The following BANP variants were observed in gnomAD, a reference collection of about 807,000 sequenced individuals.
BANP encodes protein BANP.
BANP carries 11 observed loss-of-function variants against 68.1 expected under a neutral mutation model. The observed-to-expected ratio is 0.16, with a 90% CI of 0.10 to 0.27. The LOEUF is 0.27. Among genes scored for constraint, BANP ranks in the 10% least tolerant of loss-of-function variants. BANP has a pLI of 1.00. For missense variants in BANP, 504 were observed against 722.7 expected (o/e 0.70, Z 3.47); for synonymous variants, 329 against 303.2 (o/e 1.09, Z -0.88).
intron 11 of BANP, among the ~76,000 whole-genome samples, chr16:88,058,353 T>C (rs1003459785): frequency 6.6e-6 from 1 of 152,176 alleles, no homozygotes; most frequent in African/African-American, 2.4e-5. Flanking sequence ...GACGTGCTGA[T>C]GTCAGGCGCC....
In BANP at chr16:88,004,430, A is replaced by G; in HGVS notation, c.479+19A>G. 4 of 1,347,826 alleles carry G rather than the reference A, an allele frequency of 3.0e-6. No homozygotes were observed. Among genetic ancestry groups the G allele is most frequent in the Non-Finnish European group, 4.1e-6 (4 of 975,838 alleles). 83.5% of individuals were successfully genotyped at this position (1,347,826 alleles called of 1,614,324 possible). A position where few individuals can be genotyped will look rare whatever the true frequency, so the allele number is the denominator to read the frequency against. On this transcript the variant is annotated intron_variant, in intron 5 of 13. Coordinates refer to ENST00000682872, the MANE Select transcript of BANP (RefSeq NM_001386991.1). This position sits in a 1 kb window ranked among gnomAD's most constrained non-coding sequence, Gnocchi z 7.0. Reference sequence around the variant, plus strand: ...TTAGCAAGTCAGTAGCACGGCACCAACCCCACCTTTCCCTGCCACTGTGCG... The same window carrying G: ...TTAGCAAGTCAGTAGCACGGCACCAGCCCCACCTTTCCCTGCCACTGTGCG...
chr16:88,024,002 C>T (rs1447430869), intron 7 of BANP, among the ~76,000 whole-genome samples: 4 of 152,310 alleles, frequency 2.6e-5, no homozygotes, highest in South Asian at 2.1e-4. Flanking sequence ...GTGGGGATCC[C>T]GTGAGCCTCA....
chr16:87,954,536 C>G (rs987224611), intron 1 of BANP, among the ~76,000 whole-genome samples: 5 of 152,352 alleles, frequency 3.3e-5, no homozygotes, highest in Middle Eastern at 3.4e-3. Flanking sequence ...GATTGGGAGC[C>G]TGTCACCGTG....
chr16:88,002,453 C>T lies in BANP; in HGVS notation c.363-1842C>T, dbSNP rs766685845. Among the ~76,000 whole-genome samples, 11 of 151,978 alleles carry T rather than the reference C, an allele frequency of 7.2e-5. No individual in the cohort carries two copies. The highest frequency in any genetic ancestry group is 1.5e-4 in the Non-Finnish European group (10 of 68,002). The stretch of plus-strand genomic sequence containing the variant: ...TCTGTGCCCTAGGTGGATGGTGCAT[C>T]CAGTGTGTTCAGAGCAGAGGTTGTT... On this transcript the variant is annotated intron_variant, in intron 4 of 13. Coordinates refer to ENST00000682872, the MANE Select transcript of BANP (RefSeq NM_001386991.1). The surrounding 1 kb of genome is among the most constrained non-coding windows in gnomAD (Gnocchi z 4.6).
chr16:87,953,880 C>T (rs887550959), intron 1 of BANP, among the ~76,000 whole-genome samples: 6 of 152,292 alleles, frequency 3.9e-5, no homozygotes, highest in Middle Eastern at 3.4e-3. Flanking sequence ...CATCTTGGCT[C>T]TGTTCGTTTC....
At chr16:88,048,927 C>T (rs374178677) in intron 11 of BANP, among the ~76,000 whole-genome samples, 2 of 152,130 alleles carry the variant, frequency 1.3e-5, no homozygotes, top group South Asian at 2.1e-4. Flanking sequence ...GTGTGGGGTG[C>T]GGGGTCTTTG....
intron 8 of BANP, among the ~76,000 whole-genome samples, chr16:88,029,670 A>G (rs2077736183): frequency 6.6e-6 from 1 of 151,854 alleles, no homozygotes; most frequent in African/African-American, 2.4e-5. Flanking sequence ...AGCAGGAACC[A>G]GATTGAATTC....
chr16:88,062,094 C>T (rs959720937), intron 11 of BANP, among the ~76,000 whole-genome samples: 1 of 152,144 alleles, frequency 6.6e-6, no homozygotes, highest in Non-Finnish European at 1.5e-5. Context: ...AAACAAAGGA[C>T]TTCTTGGCTT....
upstream of BANP, among the ~76,000 whole-genome samples, chr16:87,950,128 C>T (rs529514123): frequency 6.6e-6 from 1 of 152,296 alleles, no homozygotes; most frequent in East Asian, 1.9e-4. Flanking sequence ...CCACCCGCCT[C>T]GGCCTCCCAA....
intron 1 of BANP, among the ~76,000 whole-genome samples, chr16:87,961,410 C>CCCA (rs2059115579): frequency 7.1e-6 from 1 of 140,422 alleles, no homozygotes; most frequent in African/African-American, 2.5e-5. Flanking sequence ...AGAATCTGCA[C>CCCA]CCCCCCGGGC....
chr16:88,076,689 C>G lies in BANP; in HGVS notation c.*28C>G. On this transcript the variant is annotated 3_prime_UTR_variant, in exon 14 of 14. Transcript: ENST00000682872. Reference sequence around the variant, plus strand: ...GGTGCCCATGGCACCAGGAGCCCCTCGCCGGCTCCGCCTACGGCCCGGCCC... The same window carrying G: ...GGTGCCCATGGCACCAGGAGCCCCTGGCCGGCTCCGCCTACGGCCCGGCCC... The G allele has an allele frequency of 6.3e-7, 1 of 1,586,634 alleles. No individual in the cohort carries two copies. The highest frequency in any genetic ancestry group is 1.3e-5 in the African/African-American group (1 of 74,564).
chr16:88,058,658 G>C (rs907514000), intron 11 of BANP, among the ~76,000 whole-genome samples: 1 of 152,126 alleles, frequency 6.6e-6, no homozygotes, highest in African/African-American at 2.4e-5. Flanking sequence ...GATGAAACGT[G>C]TGTGTCCTGC....
intron 11 of BANP, among the ~76,000 whole-genome samples, chr16:88,062,983 G>T (rs139459998): frequency 6.6e-6 from 1 of 152,190 alleles, no homozygotes. Context: ...GCTGCTTCAC[G>T]TTTAAGATCT....
rs371351258 is a variant in BANP at position 88,039,197 on chromosome 16, A to G, written c.1311+1186A>G. Among the ~76,000 whole-genome samples the G allele has an allele frequency of 8.9e-4, 135 of 152,188 alleles. 4 individuals are homozygous for G. In the East Asian group the frequency reaches 0.02, roughly 23 times the overall value. On this transcript the variant is annotated intron_variant, in intron 11 of 13. Coordinates refer to ENST00000682872, the MANE Select transcript of BANP (RefSeq NM_001386991.1). ...TTAAAGATCAGCACGAGGTTTTCTC[A>G]GGTAGTCCTGCAGCATCGCTCGTCT...
At chr16:87,997,579 G>A (rs113666215) in intron 4 of BANP, among the ~76,000 whole-genome samples, 4 of 151,070 alleles carry the variant, frequency 2.6e-5, no homozygotes, top group East Asian at 1.9e-4. Flanking sequence ...CCATGTGTTC[G>A]TGGTAAAGTG....
chr16:87,992,568 T>A (rs1451363423), intron 4 of BANP, among the ~76,000 whole-genome samples: 1 of 151,916 alleles, frequency 6.6e-6, no homozygotes, highest in African/African-American at 2.4e-5. Context: ...CTGAGGAGGG[T>A]GGATCACCTG....
At chr16:88,024,974 C>T (rs974358979) in intron 7 of BANP, among the ~76,000 whole-genome samples, 1 of 152,114 alleles carries the variant, frequency 6.6e-6, no homozygotes, top group Admixed American at 6.5e-5. Context: ...TGTTACTAAC[C>T]CGTTTTTAAA....
At chr16:87,985,727 T>G (rs2064253164) in intron 4 of BANP, among the ~76,000 whole-genome samples, 1 of 152,186 alleles carries the variant, frequency 6.6e-6, no homozygotes. Flanking sequence ...TGTTGCGTCC[T>G]GGTGACCGGG....
Position 88,038,017 on chromosome 16 carries a change from T to C in BANP, c.1311+6T>C, listed in dbSNP as rs2079797782. 3 of 1,613,520 alleles carry C rather than the reference T, an allele frequency of 1.9e-6. No individual in the cohort carries two copies. The highest frequency in any genetic ancestry group is 1.7e-6 in the Non-Finnish European group (2 of 1,179,532). On this transcript the variant is annotated splice_donor_region_variant and intron_variant, in intron 11 of 13. Coordinates refer to ENST00000682872, the MANE Select transcript of BANP (RefSeq NM_001386991.1). Reference sequence around the variant, plus strand: ...ACGTGGGGCAGGACGGTCAGGTGAGTGTCCCAGTCCCCATGCACATGCGGG... The same window carrying C: ...ACGTGGGGCAGGACGGTCAGGTGAGCGTCCCAGTCCCCATGCACATGCGGG...
Sources: allele counts gnomAD v4.1 joint callset (sites outside exome capture counted in the v4.1 genomes callset), GRCh38; gene constraint gnomAD v4.1.1; non-coding constraint Gnocchi (gnomAD v3.1); transcripts MANE v1.5; gene names NCBI Gene and HGNC (gene_info 2026-07-23, HGNC 2026-07-21).